The following RABGAP1L variants were observed in gnomAD, a reference collection of about 807,000 sequenced individuals.
RABGAP1L encodes the protein RAB GTPase activating protein 1 like.
In RABGAP1L, 63 loss-of-function variants were observed where a neutral mutation model predicts 137.7. The observed-to-expected ratio is 0.46, with a 90% CI of 0.37 to 0.56. RABGAP1L has a LOEUF of 0.56. Among genes scored for constraint, RABGAP1L ranks in the 20% least tolerant of loss-of-function variants. The pLI, the probability that RABGAP1L is intolerant of heterozygous loss-of-function variation, is 0.00. For missense variants in RABGAP1L, 1,095 were observed against 1,244.0 expected (o/e 0.88, Z 1.80); for synonymous variants, 431 against 433.7 (o/e 0.99, Z 0.08).
At chr1:174,827,501 C>CTTT (rs1558121920) in intron 19 of RABGAP1L, among the ~76,000 whole-genome samples, 1 of 121,996 alleles carries the variant, frequency 8.2e-6, no homozygotes, top group Non-Finnish European at 1.9e-5. Context: ...CTCATAGTAA[C>CTTT]TGAGTGCGCA....
intron 17 of RABGAP1L, among the ~76,000 whole-genome samples, chr1:174,710,826 A>G (rs1296262058): frequency 6.6e-6 from 1 of 152,228 alleles, no homozygotes; most frequent in African/African-American, 2.4e-5. Context: ...AACAAAATTA[A>G]CCTTAAATGT....
intron 18 of RABGAP1L, among the ~76,000 whole-genome samples, chr1:174,804,066 A>C (rs1457971657): frequency 6.6e-6 from 1 of 152,116 alleles, no homozygotes; most frequent in Non-Finnish European, 1.5e-5. Flanking sequence ...AAAAAAAAAA[A>C]ATTCACCTTA....
chr1:174,677,902 A>G (rs957331522), intron 14 of RABGAP1L, among the ~76,000 whole-genome samples: 1 of 152,230 alleles, frequency 6.6e-6, no homozygotes, highest in Non-Finnish European at 1.5e-5. Flanking sequence ...ATGGAAATAA[A>G]TAATAAAGAA....
chr1:174,688,904 G>A (rs1678665826), intron 15 of RABGAP1L, among the ~76,000 whole-genome samples: 1 of 152,014 alleles, frequency 6.6e-6, no homozygotes, highest in Admixed American at 6.5e-5. Context: ...TCTATTTTTA[G>A]GATGCTAGAT....
chr1:174,509,890 G>A (rs2281011), intron 13 of RABGAP1L, among the ~76,000 whole-genome samples: 53,692 of 152,058 alleles, frequency 0.35, 12,133 homozygotes, highest in African/African-American at 0.64. Context: ...AGTCATGTCC[G>A]TTCTACTTAT....
In RABGAP1L at chr1:174,268,356, C is replaced by A. The variant is rs563557366; in HGVS notation, c.987-4058C>A. ...CTGGGATTACAGGTGCCCGCCACTA[C>A]GCCCGGCTAATTTTTTTTGTATTTT... On this transcript the variant is annotated intron_variant, in intron 7 of 25. Coordinates refer to ENST00000681986, the MANE Select transcript of RABGAP1L (RefSeq NM_001366446.1). Among the ~76,000 whole-genome samples the A allele has an allele frequency of 2.6e-5, 4 of 152,028 alleles. No homozygotes were observed. In the East Asian group the frequency reaches 5.8e-4, roughly 22 times the overall value.
chr1:174,796,695 A>G (rs942248029), intron 18 of RABGAP1L, among the ~76,000 whole-genome samples: 1 of 152,114 alleles, frequency 6.6e-6, no homozygotes, highest in Admixed American at 6.6e-5. Flanking sequence ...GTTTTAAGTG[A>G]AACTTGGTTT....
chr1:174,405,761 T>A (rs1329235324), intron 13 of RABGAP1L, among the ~76,000 whole-genome samples: 1 of 152,108 alleles, frequency 6.6e-6, no homozygotes, highest in East Asian at 1.9e-4. Context: ...GCTGATTGCT[T>A]GAGCCTAGGA....
intron 17 of RABGAP1L, among the ~76,000 whole-genome samples, chr1:174,711,227 A>T (rs1034826398): frequency 9.3e-5 from 14 of 151,182 alleles, no homozygotes; most frequent in Admixed American, 2.0e-4. Flanking sequence ...CTCCCTCCAC[A>T]CCTCCCTGCA....
At chr1:174,923,798 G>A (rs996693305) in intron 19 of RABGAP1L, among the ~76,000 whole-genome samples, 6 of 149,662 alleles carry the variant, frequency 4.0e-5, no homozygotes, top group African/African-American at 9.8e-5. Context: ...GGAGAATCGC[G>A]TCAACCTGGG....
intron 13 of RABGAP1L, among the ~76,000 whole-genome samples, chr1:174,513,173 A>G (rs1409288849): frequency 1.3e-5 from 2 of 152,178 alleles, no homozygotes; most frequent in Non-Finnish European, 2.9e-5. Flanking sequence ...ACTTTCGTTT[A>G]TATTTTCCCG....
chr1:174,295,236 G>T, intron 10 of RABGAP1L, among the ~76,000 whole-genome samples: 1 of 147,630 alleles, frequency 6.8e-6, no homozygotes, highest in South Asian at 2.2e-4. Context: ...TTTTTTTGGA[G>T]ACAAAGTCTC....
intron 1 of RABGAP1L, 108 bp downstream of exon 1, chr1:174,159,765 G>C (rs1224596515): frequency 6.6e-6 from 1 of 152,554 alleles, no homozygotes; most frequent in Admixed American, 6.5e-5. Context: ...GGGGAGGGTC[G>C]AGATGGGGCC....
At chr1:174,303,398 G>A (rs1317395086) in intron 10 of RABGAP1L, among the ~76,000 whole-genome samples, 3 of 152,080 alleles carry the variant, frequency 2.0e-5, no homozygotes, top group Non-Finnish European at 4.4e-5. Context: ...TGTAACTTTA[G>A]AGAATTTATA....
At chr1:174,744,889 A>G (rs1457669226) in intron 17 of RABGAP1L, among the ~76,000 whole-genome samples, 1 of 152,210 alleles carries the variant, frequency 6.6e-6, no homozygotes, top group Non-Finnish European at 1.5e-5. Flanking sequence ...TGGTTATGTA[A>G]GATGTTAATG....
At chr1:174,646,171 A>G (rs1304185482) in intron 14 of RABGAP1L, among the ~76,000 whole-genome samples, 1 of 151,980 alleles carries the variant, frequency 6.6e-6, no homozygotes, top group Non-Finnish European at 1.5e-5. Context: ...TTACCTGTTC[A>G]CTGATGATAA....
intron 13 of RABGAP1L, among the ~76,000 whole-genome samples, chr1:174,554,950 A>G (rs1666783027): frequency 6.6e-6 from 1 of 152,170 alleles, no homozygotes; most frequent in South Asian, 2.1e-4. Context: ...TGGAGTTTCC[A>G]AGGCCAACAT....
At chr1:174,541,606 A>G (rs920513493) in intron 13 of RABGAP1L, among the ~76,000 whole-genome samples, 1 of 151,976 alleles carries the variant, frequency 6.6e-6, no homozygotes, top group African/African-American at 2.4e-5. Context: ...GAAACTCTGT[A>G]TCTACTAAAA....
At chr1:174,471,991 T>C (rs1194102739) in intron 13 of RABGAP1L, among the ~76,000 whole-genome samples, 1 of 152,058 alleles carries the variant, frequency 6.6e-6, no homozygotes, top group Non-Finnish European at 1.5e-5. Context: ...GAAGACACAA[T>C]GGAGAAGTGT....
Sources: allele counts gnomAD v4.1 joint callset (sites outside exome capture counted in the v4.1 genomes callset), GRCh38; gene constraint gnomAD v4.1.1; transcripts MANE v1.5; gene names NCBI Gene and HGNC (gene_info 2026-07-23, HGNC 2026-07-21).